The following CUL4A variants were observed in gnomAD, a reference collection of about 807,000 sequenced individuals.
The protein encoded by CUL4A is cullin 4A.
In CUL4A, 16 loss-of-function variants were observed where a neutral mutation model predicts 95.5. The observed-to-expected ratio is 0.17, with a 90% CI of 0.11 to 0.25. The LOEUF (loss-of-function observed/expected upper bound fraction) is 0.25. Ranked by LOEUF, CUL4A falls within the 10% of genes least tolerant of loss-of-function variation. The pLI, the probability that CUL4A is intolerant of heterozygous loss-of-function variation, is 1.00. For synonymous variants in CUL4A, 380 were observed against 353.1 expected, an observed-to-expected ratio of 1.08 and a Z score of -0.85; for missense variants, 610 against 937.0, an observed-to-expected ratio of 0.65 and a Z score of 4.56.
intron 3 of CUL4A, 69 bp from the exon 4 acceptor site, chr13:113,227,907 C>CAAA (rs34413442): frequency 1.6e-3 from 1,297 of 786,490 alleles, no homozygotes; most frequent in Non-Finnish European, 1.9e-3. Context: ...GACTCCATCT[C>CAAA]AAAAAAAAAA....
At chr13:113,226,129 CT>C (rs1287272556) in intron 3 of CUL4A, among the ~76,000 whole-genome samples, 1 of 152,202 alleles carries the variant, frequency 6.6e-6, no homozygotes, top group East Asian at 1.9e-4. Context: ...CCCTGGCACT[CT>C]TTCTTTGTCA....
intron 1 of CUL4A, 28 bp downstream of exon 1, chr13:113,209,803 A>G (rs1166015128): frequency 1.7e-6 from 2 of 1,160,858 alleles, no homozygotes; most frequent in African/African-American, 1.6e-5. Context: ...GTCGAGGGCC[A>G]GGCGCCCCGG....
intron 18 of CUL4A, among the ~76,000 whole-genome samples, chr13:113,259,930 G>A (rs2042223729): frequency 6.6e-6 from 1 of 151,954 alleles, no homozygotes; most frequent in Non-Finnish European, 1.5e-5. Flanking sequence ...TTCCGGCCAG[G>A]CACGGTGGCT....
intron 3 of CUL4A, among the ~76,000 whole-genome samples, chr13:113,225,776 C>A (rs1278524425): frequency 6.6e-6 from 1 of 152,220 alleles, no homozygotes; most frequent in African/African-American, 2.4e-5. Context: ...TGTCCAGATG[C>A]ACTTGGGATG....
chr13:113,213,764 C>G (rs2040539623), intron 2 of CUL4A, among the ~76,000 whole-genome samples: 1 of 152,220 alleles, frequency 6.6e-6, no homozygotes, highest in South Asian at 2.1e-4. Context: ...ATGACAGTCA[C>G]TGGTTCCTCC....
intron 3 of CUL4A, among the ~76,000 whole-genome samples, chr13:113,224,192 A>G (rs2041013105): frequency 6.6e-6 from 1 of 152,202 alleles, no homozygotes; most frequent in African/African-American, 2.4e-5. Context: ...CTCTACTGAA[A>G]ATACAAAAAA....
intron 2 of CUL4A, among the ~76,000 whole-genome samples, chr13:113,217,148 A>C (rs1413988545): frequency 6.6e-6 from 1 of 152,222 alleles, no homozygotes; most frequent in Non-Finnish European, 1.5e-5. Flanking sequence ...TTGCTGAAGA[A>C]AATACATTTT....
intron 11 of CUL4A, 71 bp from the exon 12 acceptor site, chr13:113,244,339 T>C (rs776210848): frequency 7.4e-6 from 8 of 1,079,102 alleles, no homozygotes; most frequent in Non-Finnish European, 1.1e-5. Flanking sequence ...TCCTGTACAA[T>C]GTTGCTAATA....
chr13:113,243,429 G>C (rs556546630), intron 11 of CUL4A, among the ~76,000 whole-genome samples: 5 of 152,248 alleles, frequency 3.3e-5, no homozygotes, highest in African/African-American at 9.6e-5. Flanking sequence ...CGCCAAAGAA[G>C]GGAGGGGTGA....
chr13:113,255,990 T>C (rs1184597287), intron 18 of CUL4A, among the ~76,000 whole-genome samples: 1 of 152,192 alleles, frequency 6.6e-6, no homozygotes, highest in Non-Finnish European at 1.5e-5. Flanking sequence ...CCTTTTTGTT[T>C]GTGGTCACAG....
At chr13:113,249,791 T>G (rs1050082298) in intron 15 of CUL4A, among the ~76,000 whole-genome samples, 1 of 152,208 alleles carries the variant, frequency 6.6e-6, no homozygotes, top group Non-Finnish European at 1.5e-5. Context: ...GCCATCCCTG[T>G]CCATATGAGC....
At chr13:113,208,658 G>A (rs369057180), upstream of CUL4A, 60 of 1,602,050 alleles carry the variant, frequency 3.7e-5, no homozygotes, top group Admixed American at 5.1e-5. Context: ...AACGGAGAGC[G>A]CCACCCCCTA....
intron 2 of CUL4A, among the ~76,000 whole-genome samples, chr13:113,213,644 G>A (rs535183988): frequency 1.4e-3 from 206 of 152,276 alleles, no homozygotes; most frequent in African/African-American, 4.8e-3. Flanking sequence ...GCAACACCTT[G>A]TACACAGTGA....
intron 2 of CUL4A, among the ~76,000 whole-genome samples, chr13:113,215,133 G>A (rs557145420): frequency 3.5e-4 from 51 of 145,666 alleles, no homozygotes; most frequent in East Asian, 8.7e-4. Flanking sequence ...TGGAAGTCGC[G>A]TTCCGTGTGG....
intron 6 of CUL4A, 51 bp downstream of exon 6, chr13:113,233,390 A>G (rs1203746080): frequency 1.2e-5 from 18 of 1,511,508 alleles, no homozygotes; most frequent in Non-Finnish European, 1.6e-5. Context: ...AGCTACTTGC[A>G]CCAGAATAAA....
rs898922553 is a variant in CUL4A at position 113,219,188 on chromosome 13, T to C, written c.368+140T>C. 9.5e-6 allele frequency: 5 copies of C among 524,574 alleles called. No individual in the cohort carries two copies. The African/African-American group carries it at 9.7e-5, about 10-fold the overall frequency. 32.5% of individuals were successfully genotyped at this position (524,574 alleles called of 1,614,324 possible). ...AGTTCTCTTTTATTTGATAGGTTTG[T>C]AAGCGAAATTTACCATTTAAATTAT... is the stretch of plus-strand genomic sequence containing the variant. On this transcript the variant is annotated intron_variant, in intron 3 of 19. Transcript: ENST00000375440.
At chr13:113,235,692 T>C (rs1214931909) in intron 8 of CUL4A, among the ~76,000 whole-genome samples, 11 of 151,800 alleles carry the variant, frequency 7.2e-5, no homozygotes, top group African/African-American at 1.9e-4. Flanking sequence ...AGTGTGCAGC[T>C]GGGCGCGGTG....
At chr13:113,226,149 G>A (rs939372614) in intron 3 of CUL4A, among the ~76,000 whole-genome samples, 5 of 152,232 alleles carry the variant, frequency 3.3e-5, no homozygotes, top group African/African-American at 7.2e-5. Context: ...CAGGCCACTC[G>A]TTGCCACCCT....
At chr13:113,263,404 A>G in intron 19 of CUL4A, 83 bp from the exon 20 acceptor site, 2 of 565,410 alleles carry the variant, frequency 3.5e-6, no homozygotes, top group Non-Finnish European at 6.1e-6. Flanking sequence ...ATAGTTACAT[A>G]CTTCATGCAT....
Sources: allele counts gnomAD v4.1 joint callset (sites outside exome capture counted in the v4.1 genomes callset), GRCh38; gene constraint gnomAD v4.1.1; transcripts MANE v1.5; gene names NCBI Gene and HGNC (gene_info 2026-07-23, HGNC 2026-07-21).